The following SMG6 variants were observed in gnomAD, a reference collection of about 807,000 sequenced individuals.
The protein encoded by SMG6 is telomerase-binding protein EST1A.
Under a neutral mutation model 142.2 loss-of-function variants are expected in SMG6, and 66 were observed. The observed-to-expected ratio is 0.46, with a 90% confidence interval of 0.38 to 0.57. The LOEUF is 0.57. Ranked by LOEUF, SMG6 falls within the 20% of genes least tolerant of loss-of-function variation. The pLI is 0.00. For synonymous variants in SMG6, 779 were observed against 702.4 expected (o/e 1.11, Z -1.72); for missense variants, 1,793 against 1,832.0 (o/e 0.98, Z 0.39).
At chr17:2,276,841 G>T (rs934160102) in intron 8 of SMG6, among the ~76,000 whole-genome samples, 6 of 152,012 alleles carry the variant, frequency 3.9e-5, no homozygotes, top group Non-Finnish European at 8.8e-5. Flanking sequence ...GAGTGCAATG[G>T]CACAATCTCG....
intron 15 of SMG6, among the ~76,000 whole-genome samples, chr17:2,074,237 C>T (rs944407891): frequency 2.7e-4 from 2 of 7,310 alleles, no homozygotes; most frequent in Admixed American, 4.3e-3. Context: ...CCACCATGCC[C>T]GCGCTTCTGA....
At chr17:2,165,037 G>T (rs767474674) in intron 13 of SMG6, among the ~76,000 whole-genome samples, 114 of 152,276 alleles carry the variant, frequency 7.5e-4, no homozygotes, top group Middle Eastern at 3.4e-3. Flanking sequence ...AAACCTCTTT[G>T]GGGTGGGGGT....
At chr17:2,092,002 TGA>T (rs1449454643) in intron 13 of SMG6, among the ~76,000 whole-genome samples, 5 of 151,528 alleles carry the variant, frequency 3.3e-5, no homozygotes, top group Non-Finnish European at 7.4e-5. Context: ...TTTTTTTTTT[TGA>T]GACAGAGTCT....
chr17:2,181,523 C>G (rs893795149), intron 12 of SMG6, among the ~76,000 whole-genome samples: 1 of 152,196 alleles, frequency 6.6e-6, no homozygotes, highest in Non-Finnish European at 1.5e-5. Context: ...CTCTCTAGCC[C>G]GGACTGGCTT....
intron 8 of SMG6, among the ~76,000 whole-genome samples, chr17:2,256,739 C>A (rs989214556): frequency 6.6e-6 from 1 of 152,048 alleles, no homozygotes; most frequent in Non-Finnish European, 1.5e-5. Flanking sequence ...GGTGCCACTG[C>A]ACTCCAGCCT....
intron 13 of SMG6, among the ~76,000 whole-genome samples, chr17:2,106,785 A>G (rs1338684100): frequency 2.6e-5 from 4 of 152,118 alleles, no homozygotes; most frequent in Non-Finnish European, 5.9e-5. Context: ...ACAGGAAAGA[A>G]AGAGTGAAAG....
chr17:2,303,176 G>C, intron 1 of SMG6: 1 of 985,466 alleles, frequency 1.0e-6, no homozygotes, highest in Non-Finnish European at 1.2e-6. Flanking sequence ...GAAAAGTTCA[G>C]CAACGAAGTC....
rs527424677 is a variant in SMG6 at position 2,138,327 on chromosome 17, T to C, written c.3357+34331A>G. Among the ~76,000 whole-genome samples, 314 of 152,236 alleles carry C rather than the reference T, an allele frequency of 2.1e-3. 1 individual carries two copies. The highest frequency in any genetic ancestry group is 3.4e-3 in the Middle Eastern group (1 of 292). On this transcript the variant is annotated intron_variant, in intron 13 of 18. Transcript: ENST00000263073. ...CCAAGATAAAGAAGCCTGTCCCCCA[T>C]CTACAGGAAGTTTATCCCTGACATC...
At chr17:2,137,696 G>A (rs1042861642) in intron 13 of SMG6, among the ~76,000 whole-genome samples, 32 of 152,220 alleles carry the variant, frequency 2.1e-4, no homozygotes, top group African/African-American at 7.7e-4. Flanking sequence ...ATGGGACTAG[G>A]TCTTGAGAGA....
chr17:2,124,509 T>C (rs1332728943), intron 13 of SMG6, among the ~76,000 whole-genome samples: 8 of 152,150 alleles, frequency 5.3e-5, no homozygotes, highest in Non-Finnish European at 1.0e-4. Flanking sequence ...ACAGAGTGTT[T>C]ATATAAAACC....
At chr17:2,228,564 C>T (rs2073382495) in intron 10 of SMG6, among the ~76,000 whole-genome samples, 1 of 151,878 alleles carries the variant, frequency 6.6e-6, no homozygotes, top group African/African-American at 2.4e-5. Context: ...GGTTTCCCCA[C>T]GTTGACCAGG....
intron 11 of SMG6, 121 bp from the exon 12 acceptor site, chr17:2,186,952 C>T: frequency 9.4e-7 from 1 of 1,064,646 alleles, no homozygotes; most frequent in Non-Finnish European, 1.3e-6. Flanking sequence ...GAAAGATAGG[C>T]CCAGAAGCGA....
chr17:2,251,268 T>TAAAA (rs777571597), intron 8 of SMG6, among the ~76,000 whole-genome samples: 1 of 136,512 alleles, frequency 7.3e-6, no homozygotes, highest in African/African-American at 2.7e-5. Flanking sequence ...ATATACAGAT[T>TAAAA]AAAAAAAAAA....
At chr17:2,151,275 T>G (rs2070816951) in intron 13 of SMG6, among the ~76,000 whole-genome samples, 1 of 152,228 alleles carries the variant, frequency 6.6e-6, no homozygotes, top group Non-Finnish European at 1.5e-5. Flanking sequence ...AACCCATCCC[T>G]CCATTTTTAA....
At chr17:2,147,476 C>T (rs1048212992) in intron 13 of SMG6, among the ~76,000 whole-genome samples, 6 of 151,354 alleles carry the variant, frequency 4.0e-5, no homozygotes, top group African/African-American at 1.2e-4. Flanking sequence ...GTGGTGCACA[C>T]GAGTAGTCTC....
At chr17:2,118,246 A>G (rs1246265256) in intron 13 of SMG6, among the ~76,000 whole-genome samples, 5 of 151,548 alleles carry the variant, frequency 3.3e-5, no homozygotes, top group Non-Finnish European at 2.9e-5. Flanking sequence ...CTCAAAAAAC[A>G]AAACAACAGG....
chr17:2,209,322 C>A (rs1679193244), intron 10 of SMG6, among the ~76,000 whole-genome samples: 1 of 152,126 alleles, frequency 6.6e-6, no homozygotes, highest in African/African-American at 2.4e-5. Flanking sequence ...AAGAGATCAG[C>A]CTCCCAAGTA....
At chr17:2,289,252 A>G (rs1046404602) in intron 6 of SMG6, among the ~76,000 whole-genome samples, 1 of 151,928 alleles carries the variant, frequency 6.6e-6, no homozygotes, top group Non-Finnish European at 1.5e-5. Context: ...CCTGCCTCAA[A>G]AAAAGAAAAA....
chr17:2,285,204 T>C (rs1449959666), intron 6 of SMG6, among the ~76,000 whole-genome samples: 2 of 152,176 alleles, frequency 1.3e-5, no homozygotes, highest in African/African-American at 4.8e-5. Context: ...TCCTGGCACC[T>C]AGAAAAGCAC....
Sources: allele counts gnomAD v4.1 joint callset (sites outside exome capture counted in the v4.1 genomes callset), GRCh38; gene constraint gnomAD v4.1.1; transcripts MANE v1.5; gene names NCBI Gene and HGNC (gene_info 2026-07-23, HGNC 2026-07-21).